Variants in WWOX observed in about 807,000 individuals in gnomAD.
The protein encoded by WWOX is WW domain containing oxidoreductase.
In WWOX, 69 loss-of-function variants were observed where a neutral mutation model predicts 46.2. The ratio of observed to expected loss-of-function variants is 1.49; its 90% CI spans 1.23 to 1.82. The LOEUF is 1.82. WWOX is among the 40% of genes most tolerant of loss of function. The pLI, the probability that WWOX is intolerant of heterozygous loss-of-function variation, is 0.00. For synonymous variants in WWOX, 359 were observed against 202.6 expected (o/e 1.77, Z -6.56); for missense variants, 919 against 542.6 (o/e 1.69, Z -6.89).
intron 8 of WWOX, among the ~76,000 whole-genome samples, chr16:78,508,818 C>G (rs1398815882): frequency 6.6e-6 from 1 of 152,184 alleles, no homozygotes; most frequent in Non-Finnish European, 1.5e-5. Flanking sequence ...TGCCCCTGGT[C>G]AGAAGGGGTG....
chr16:78,422,686 C>CATATAT (rs1286804746), intron 6 of WWOX, among the ~76,000 whole-genome samples: 1 of 23,868 alleles, frequency 4.2e-5, no homozygotes, highest in African/African-American at 1.1e-4. Flanking sequence ...TATATATATA[C>CATATAT]ACACACACAC....
At chr16:78,504,324 T>C (rs1252360461) in intron 8 of WWOX, among the ~76,000 whole-genome samples, 1 of 152,216 alleles carries the variant, frequency 6.6e-6, no homozygotes, top group Admixed American at 6.5e-5. Flanking sequence ...AGATTGTTTT[T>C]CTGAAAGAAA....
At chr16:78,468,147 A>G (rs776228274) in intron 8 of WWOX, among the ~76,000 whole-genome samples, 2 of 151,684 alleles carry the variant, frequency 1.3e-5, no homozygotes, top group Non-Finnish European at 2.9e-5. Context: ...CTACCTTTAC[A>G]CTGGATCTTC....
chr16:78,130,176 A>T (rs1019219804), intron 4 of WWOX: 3 of 152,108 alleles, frequency 2.0e-5, no homozygotes, highest in Non-Finnish European at 2.9e-5. Flanking sequence ...TCCTTTATAA[A>T]TTTCCCAGTC....
At chr16:79,044,523 G>A (rs778306932) in intron 8 of WWOX, among the ~76,000 whole-genome samples, 9 of 152,278 alleles carry the variant, frequency 5.9e-5, no homozygotes, top group Admixed American at 3.9e-4. Context: ...GCCACATGAC[G>A]TGCCTGCTCC....
intron 8 of WWOX, among the ~76,000 whole-genome samples, chr16:78,554,629 G>C (rs1034339657): frequency 3.3e-5 from 5 of 151,776 alleles, no homozygotes; most frequent in East Asian, 1.9e-4. Flanking sequence ...ATGTGCCTTT[G>C]GACAAGAAAA....
chr16:78,783,127 C>G (rs967809044), intron 8 of WWOX, among the ~76,000 whole-genome samples: 1 of 152,114 alleles, frequency 6.6e-6, no homozygotes, highest in Non-Finnish European at 1.5e-5. Context: ...CAGGAAAAAC[C>G]AAAACAAAAC....
intron 8 of WWOX, among the ~76,000 whole-genome samples, chr16:79,182,739 T>C (rs2050937221): frequency 6.6e-6 from 1 of 152,242 alleles, no homozygotes; most frequent in South Asian, 2.1e-4. Flanking sequence ...TAGTTTTTAC[T>C]GCATAGTTTT....
At chr16:78,887,844 T>A (rs1015782916) in intron 8 of WWOX, among the ~76,000 whole-genome samples, 1 of 152,222 alleles carries the variant, frequency 6.6e-6, no homozygotes, top group Non-Finnish European at 1.5e-5. Context: ...TTTAAGTGTT[T>A]AACAGTAATT....
At chr16:78,382,566 C>T (rs558473835) in intron 5 of WWOX, among the ~76,000 whole-genome samples, 18 of 152,188 alleles carry the variant, frequency 1.2e-4, no homozygotes, top group African/African-American at 4.3e-4. Context: ...CTAAGGAATT[C>T]AGCCCACGTC....
At chr16:79,052,308 C>G (rs117201127) in intron 8 of WWOX, among the ~76,000 whole-genome samples, 1 of 151,546 alleles carries the variant, frequency 6.6e-6, no homozygotes, top group Non-Finnish European at 1.5e-5. Context: ...TTTGTTCTTG[C>G]GATAGTTTAC....
chr16:78,756,936 C>G (rs770256572), intron 8 of WWOX: 6 of 702,828 alleles, frequency 8.5e-6, no homozygotes, highest in Middle Eastern at 2.3e-4. Context: ...ATCATTCACT[C>G]TAGGAAAAGC....
At chr16:78,238,919 T>TTTTTTTTTTTTTG (rs1172507137) in intron 5 of WWOX, among the ~76,000 whole-genome samples, 1 of 151,940 alleles carries the variant, frequency 6.6e-6, no homozygotes, top group African/African-American at 2.4e-5. Flanking sequence ...AATACCTTTC[T>TTTTTTTTTTTTTG]AACATGGAGG....
At chr16:78,977,389 A>C (rs769716648) in intron 8 of WWOX, among the ~76,000 whole-genome samples, 5 of 152,124 alleles carry the variant, frequency 3.3e-5, no homozygotes, top group Non-Finnish European at 7.3e-5. Context: ...TGACCATAGA[A>C]GTTTGTGGGG....
At chr16:78,410,793 A>AT (rs1383370858) in intron 6 of WWOX, among the ~76,000 whole-genome samples, 1 of 144,440 alleles carries the variant, frequency 6.9e-6, no homozygotes, top group Non-Finnish European at 1.5e-5. Context: ...GTGAAAGAGC[A>AT]AGGCCCCACC....
At chr16:78,388,758 T>C (rs2082113718) in intron 6 of WWOX, among the ~76,000 whole-genome samples, 1 of 150,124 alleles carries the variant, frequency 6.7e-6, no homozygotes, top group Non-Finnish European at 1.5e-5. Flanking sequence ...TCACCTGAAG[T>C]CAGGAGTTCG....
intron 8 of WWOX, among the ~76,000 whole-genome samples, chr16:78,687,965 G>A (rs1300976769): frequency 1.3e-5 from 2 of 152,144 alleles, no homozygotes; most frequent in Non-Finnish European, 2.9e-5. Flanking sequence ...GTCAGATCTA[G>A]TGTGGTACAA....
intron 8 of WWOX, among the ~76,000 whole-genome samples, chr16:78,449,897 C>CT (rs202234395): frequency 0.062 from 9,018 of 145,718 alleles, 383 homozygotes; most frequent in Non-Finnish European, 0.088. Context: ...AAAGCGTGAA[C>CT]TTTTTTTTTT....
intron 8 of WWOX, among the ~76,000 whole-genome samples, chr16:78,439,639 C>T (rs72797996): frequency 0.12 from 17,946 of 152,176 alleles, 1,321 homozygotes; most frequent in East Asian, 0.2. Flanking sequence ...ATTTTGAAAT[C>T]ATTTGACATT....
Sources: gnomAD v4.1 joint callset for allele counts (sites outside exome capture counted in the v4.1 genomes callset) on GRCh38, gnomAD v4.1.1 for gene constraint, MANE v1.5 for transcripts, NCBI Gene and HGNC (gene_info 2026-07-23, HGNC 2026-07-21) for gene names.